ZNF704: variants seen among roughly 807,000 people sequenced by gnomAD.
The protein encoded by ZNF704 is glucocorticoid induced gene 1.
A neutral mutation model predicts 44.7 loss-of-function variants in ZNF704; 10 were observed. The observed-to-expected ratio is 0.22, with a 90% CI of 0.14 to 0.38. The LOEUF (loss-of-function observed/expected upper bound fraction) is 0.38, where lower values mean the gene tolerates loss of function less well. Ranked by LOEUF, ZNF704 falls within the 10% of genes least tolerant of loss-of-function variation. The pLI, the probability that ZNF704 is intolerant of heterozygous loss-of-function variation, is 1.00. For synonymous variants in ZNF704, 211 were observed against 207.6 expected (o/e 1.02, Z -0.14); for missense variants, 390 against 545.5 (o/e 0.71, Z 2.84).
chr8:80,872,882 A>T (rs1340648863), intron 1 of ZNF704, among the ~76,000 whole-genome samples: 1 of 151,898 alleles, frequency 6.6e-6, no homozygotes, highest in Non-Finnish European at 1.5e-5. Context: ...TTGAGGAGGG[A>T]AAAAAACCTC....
upstream of ZNF704, among the ~76,000 whole-genome samples, chr8:80,877,877 G>A (rs1809377829): frequency 6.6e-6 from 1 of 152,180 alleles, no homozygotes; most frequent in African/African-American, 2.4e-5. Flanking sequence ...ATAAAAGGAG[G>A]GGTAGAAGGT....
chr8:80,800,579 A>C (rs1348154941), intron 2 of ZNF704, among the ~76,000 whole-genome samples: 1 of 152,178 alleles, frequency 6.6e-6, no homozygotes, highest in East Asian at 1.9e-4. Context: ...TAAGCAAAGG[A>C]GAAATAAGAT....
intron 1 of ZNF704, among the ~76,000 whole-genome samples, chr8:80,826,705 A>G (rs1205798284): frequency 1.3e-5 from 2 of 152,224 alleles, no homozygotes; most frequent in Admixed American, 6.5e-5. Context: ...ATCCAGCAGC[A>G]TATCACAAAG....
chr8:80,738,374 T>A (rs1563536516), intron 2 of ZNF704, among the ~76,000 whole-genome samples: 1 of 152,210 alleles, frequency 6.6e-6, no homozygotes. Flanking sequence ...GATTCTTTTG[T>A]AAAAAAGGTT....
At chr8:80,875,466 T>C (rs1320462085), upstream of ZNF704, among the ~76,000 whole-genome samples, 1 of 151,956 alleles carries the variant, frequency 6.6e-6, no homozygotes, top group East Asian at 1.9e-4. Flanking sequence ...CACCATGCCA[T>C]GCTAATTTTG....
chr8:80,804,251 T>C (rs1461259242), intron 2 of ZNF704, among the ~76,000 whole-genome samples: 14 of 152,118 alleles, frequency 9.2e-5, no homozygotes, highest in Non-Finnish European at 2.9e-5. Flanking sequence ...TAAACCATGG[T>C]GGAAGACAGT....
Position 80,693,050 on chromosome 8 carries a change from G to A in ZNF704, c.279C>T (p.Ser93=). 3 of 1,614,202 alleles carry A rather than the reference G, an allele frequency of 1.9e-6. No homozygotes were observed. The highest frequency in any genetic ancestry group is 1.7e-6 in the Non-Finnish European group (2 of 1,180,024). ...TTCGAACCAAAGGGCTAGTCGACAA[G>A]CTGGTTAGTACCATTGCTGCTGTCA... is the stretch of plus-strand genomic sequence containing the variant. The part of the protein sequence containing the change: ...DKVTAAMVLT[S]LSTSPLVRSP... The change falls in exon 3 of 9, where the codon AGC becomes AGT. Residue 93 remains serine, a synonymous_variant. Coordinates refer to ENST00000327835, the MANE Select transcript of ZNF704 (RefSeq NM_001033723.3).
At chr8:80,755,112 C>T (rs1393032580) in intron 2 of ZNF704, among the ~76,000 whole-genome samples, 1 of 152,168 alleles carries the variant, frequency 6.6e-6, no homozygotes, top group East Asian at 1.9e-4. Context: ...GATTTGCATG[C>T]ACTCAACTTC....
intron 1 of ZNF704, among the ~76,000 whole-genome samples, chr8:80,830,236 G>T (rs1808447461): frequency 6.6e-6 from 1 of 152,094 alleles, no homozygotes; most frequent in South Asian, 2.1e-4. Context: ...GGAGGTAAAA[G>T]AGTATGTTTG....
At chr8:80,803,356 A>C (rs1406738257) in intron 2 of ZNF704, among the ~76,000 whole-genome samples, 1 of 152,050 alleles carries the variant, frequency 6.6e-6, no homozygotes, top group Non-Finnish European at 1.5e-5. Flanking sequence ...CATATGGATT[A>C]AAAAAGCCCA....
intron 2 of ZNF704, among the ~76,000 whole-genome samples, chr8:80,800,118 GAAAA>G (rs981183194): frequency 1.3e-5 from 2 of 152,074 alleles, no homozygotes; most frequent in Non-Finnish European, 2.9e-5. Context: ...CAAGAACAGA[GAAAA>G]AATAACGAAA....
At chr8:80,731,119 A>G (rs1234930396) in intron 2 of ZNF704, among the ~76,000 whole-genome samples, 1 of 152,196 alleles carries the variant, frequency 6.6e-6, no homozygotes, top group African/African-American at 2.4e-5. Context: ...ATCTGTCCCT[A>G]CCTGCATGAA....
At chr8:80,832,347 C>T (rs1563569774) in intron 1 of ZNF704, among the ~76,000 whole-genome samples, 1 of 152,146 alleles carries the variant, frequency 6.6e-6, no homozygotes, top group African/African-American at 2.4e-5. Context: ...ACAAAAACAT[C>T]TGGTTTCCAC....
chr8:80,857,609 A>G (rs897485285), intron 1 of ZNF704, among the ~76,000 whole-genome samples: 1 of 152,192 alleles, frequency 6.6e-6, no homozygotes, highest in African/African-American at 2.4e-5. Context: ...CATACATTTT[A>G]TATCACTAGA....
intron 1 of ZNF704, among the ~76,000 whole-genome samples, chr8:80,822,757 T>C (rs1808300416): frequency 6.6e-6 from 1 of 152,208 alleles, no homozygotes; most frequent in African/African-American, 2.4e-5. Context: ...TGTGAGATGG[T>C]ATCTCATTGT....
chr8:80,637,118 T>G lies in ZNF704; in HGVS notation c.*4248A>C, dbSNP rs1249188819. Reference sequence around the variant, plus strand: ...TGTTAGCCTTAGGCTACAGGTCAGCTCCAAACCGTTTTCCCAGGGCACTCC... The same window carrying G: ...TGTTAGCCTTAGGCTACAGGTCAGCGCCAAACCGTTTTCCCAGGGCACTCC... On this transcript the variant is annotated 3_prime_UTR_variant, in exon 9 of 9. Transcript: ENST00000327835. 1 of 135,084 alleles carries G rather than the reference T, an allele frequency of 7.4e-6. No homozygotes were observed. Among genetic ancestry groups the G allele is most frequent in the Middle Eastern group, 3.6e-3 (1 of 276 alleles). 8.4% of individuals were successfully genotyped at this position (135,084 alleles called of 1,614,324 possible).
rs1252359119 is a variant in ZNF704, at chr8:80,687,462, C to A, written c.326-4G>T. The A allele has an allele frequency of 6.5e-7, 1 of 1,538,658 alleles. No individual in the cohort carries two copies. Among genetic ancestry groups the A allele is most frequent in the Non-Finnish European group, 8.7e-7 (1 of 1,143,246 alleles). ...TTCCAGGATCCGCTGAGGCTCTCTG[C>A]ATGCACACAAACACAGTCAGTGCCA... On this transcript the variant is annotated splice_region_variant and splice_polypyrimidine_tract_variant and intron_variant, in intron 3 of 8. Transcript: ENST00000327835.
chr8:80,703,411 G>T (rs1818843742), intron 2 of ZNF704, among the ~76,000 whole-genome samples: 1 of 152,120 alleles, frequency 6.6e-6, no homozygotes, highest in African/African-American at 2.4e-5. Context: ...CCCATGCGAA[G>T]ATCAGGGCTT....
At chr8:80,795,865 T>C (rs905670300) in intron 2 of ZNF704, among the ~76,000 whole-genome samples, 1 of 152,208 alleles carries the variant, frequency 6.6e-6, no homozygotes, top group Admixed American at 6.5e-5. Flanking sequence ...AAATTACACA[T>C]TGTGCAGGAC....
Sources: allele counts gnomAD v4.1 joint callset (sites outside exome capture counted in the v4.1 genomes callset), GRCh38; gene constraint gnomAD v4.1.1; transcripts MANE v1.5; gene names NCBI Gene and HGNC (gene_info 2026-07-23, HGNC 2026-07-21).